Variants in ADCY9 observed in about 807,000 individuals in gnomAD.
The protein encoded by ADCY9 is adenylate cyclase 9.
Under a neutral mutation model 101.5 loss-of-function variants are expected in ADCY9, and 50 were observed. That is an observed-to-expected ratio of 0.49 (90% CI 0.39 to 0.62). ADCY9 has a LOEUF of 0.62. ADCY9 is among the 20% of genes least tolerant of loss of function. ADCY9 has a pLI of 0.00. For synonymous variants in ADCY9, 905 were observed against 769.3 expected, an observed-to-expected ratio of 1.18 and a Z score of -2.92; for missense variants, 1,662 against 1,800.4, an observed-to-expected ratio of 0.92 and a Z score of 1.39.
At chr16:4,063,405 T>G (rs980980903) in intron 2 of ADCY9, among the ~76,000 whole-genome samples, 1 of 151,706 alleles carries the variant, frequency 6.6e-6, no homozygotes, top group Non-Finnish European at 1.5e-5. Context: ...AAGAAAAGTC[T>G]CAAGTTAATA....
chr16:4,102,186 A>C (rs2057047554), intron 2 of ADCY9, among the ~76,000 whole-genome samples: 1 of 152,114 alleles, frequency 6.6e-6, no homozygotes, highest in African/African-American at 2.4e-5. Flanking sequence ...CACTATGCAA[A>C]TAAGTGCTTT....
At chr16:4,011,046 C>T (rs2056400931) in intron 2 of ADCY9, among the ~76,000 whole-genome samples, 1 of 152,144 alleles carries the variant, frequency 6.6e-6, no homozygotes, top group Admixed American at 6.5e-5. Flanking sequence ...CCAGCCTATG[C>T]TGTTCTGTTA....
chr16:4,001,555 C>T (rs1272620832), intron 3 of ADCY9, among the ~76,000 whole-genome samples: 2 of 152,028 alleles, frequency 1.3e-5, no homozygotes, highest in African/African-American at 4.8e-5. Flanking sequence ...CCGCCCCCCA[C>T]CTTTCTTTTT....
chr16:4,063,680 C>G (rs182333717), intron 2 of ADCY9, among the ~76,000 whole-genome samples: 220 of 151,662 alleles, frequency 1.5e-3, no homozygotes, highest in Non-Finnish European at 2.0e-3. Context: ...CCACTGCACT[C>G]CAGCCTGGGC....
At chr16:4,047,116 T>G (rs1228274534) in intron 2 of ADCY9, among the ~76,000 whole-genome samples, 1 of 152,168 alleles carries the variant, frequency 6.6e-6, no homozygotes, top group Non-Finnish European at 1.5e-5. Flanking sequence ...AATTTCTTCG[T>G]TTTTTAAAAA....
chr16:4,095,782 G>A (rs1280916813), intron 2 of ADCY9, among the ~76,000 whole-genome samples: 1 of 151,926 alleles, frequency 6.6e-6, no homozygotes, highest in Non-Finnish European at 1.5e-5. Context: ...TTCAAGACCA[G>A]CCTGGGCAAC....
chr16:3,974,551 GA>G, intron 10 of ADCY9, 117 bp downstream of exon 10: 1 of 754,382 alleles, frequency 1.3e-6, no homozygotes, highest in African/African-American at 1.8e-5. Flanking sequence ...TCTATTCTAA[GA>G]ATGCACGTAT....
rs1229045933 is a variant in ADCY9 at position 3,962,722 on chromosome 16, T to C, written c.*3053A>G. On this transcript the variant is annotated 3_prime_UTR_variant, in exon 11 of 11. Transcript: ENST00000294016. ...ATTTTGAAATTATTAGAATTAACAATTTAAAAAGAGCAGATAAAAGGATAT... is the reference window on the plus strand; with the variant it reads ...ATTTTGAAATTATTAGAATTAACAACTTAAAAAGAGCAGATAAAAGGATAT... 1 of 152,224 alleles carries C rather than the reference T, an allele frequency of 6.6e-6. No individual in the cohort carries two copies. 9.4% of individuals were successfully genotyped at this position (152,224 alleles called of 1,614,324 possible).
intron 2 of ADCY9, among the ~76,000 whole-genome samples, chr16:4,055,480 G>C (rs1349720387): frequency 1.3e-5 from 2 of 151,644 alleles, no homozygotes; most frequent in African/African-American, 2.4e-5. Flanking sequence ...GTTGCAGTGA[G>C]TCAAGATCAG....
chr16:3,983,550 G>C, intron 6 of ADCY9, 110 bp from the exon 7 acceptor site: 1 of 924,706 alleles, frequency 1.1e-6, no homozygotes, highest in East Asian at 2.6e-5. Flanking sequence ...CTCTGGGCCA[G>C]GCACAGGGCA....
At chr16:4,098,670 C>A (rs554414538) in intron 2 of ADCY9, among the ~76,000 whole-genome samples, 1 of 152,244 alleles carries the variant, frequency 6.6e-6, no homozygotes, top group African/African-American at 2.4e-5. Context: ...AAGATACATT[C>A]CAGTGGCGTG....
At chr16:4,076,442 C>T (rs991233651) in intron 2 of ADCY9, among the ~76,000 whole-genome samples, 3 of 152,198 alleles carry the variant, frequency 2.0e-5, no homozygotes, top group Non-Finnish European at 2.9e-5. Context: ...TTTTCTGTTT[C>T]GTGTTCCATC....
chr16:4,076,650 C>T (rs962409382), intron 2 of ADCY9, among the ~76,000 whole-genome samples: 15 of 134,244 alleles, frequency 1.1e-4, no homozygotes, highest in Non-Finnish European at 1.0e-4. Context: ...CATCTGTGAT[C>T]GCTAGAAGAT....
chr16:3,995,348 A>G (rs1230071431), intron 3 of ADCY9, among the ~76,000 whole-genome samples: 1 of 152,090 alleles, frequency 6.6e-6, no homozygotes. Context: ...GGGCTGCTTG[A>G]GTCTGGGAGG....
At chr16:4,040,136 G>A (rs1386038445) in intron 2 of ADCY9, among the ~76,000 whole-genome samples, 1 of 152,122 alleles carries the variant, frequency 6.6e-6, no homozygotes, top group Non-Finnish European at 1.5e-5. Flanking sequence ...ATTCATCTAG[G>A]CTAAAATTTT....
chr16:3,980,167 C>T (rs565766514), intron 7 of ADCY9, among the ~76,000 whole-genome samples: 4 of 152,380 alleles, frequency 2.6e-5, no homozygotes, highest in African/African-American at 9.6e-5. Context: ...AGGTCCAGCA[C>T]CACGTATTTC....
chr16:4,103,724 G>C (rs935089119), intron 2 of ADCY9, among the ~76,000 whole-genome samples: 6 of 152,146 alleles, frequency 3.9e-5, no homozygotes, highest in Non-Finnish European at 8.8e-5. Context: ...CCAGCTACTT[G>C]GGAGGCTGAG....
intron 2 of ADCY9, among the ~76,000 whole-genome samples, chr16:4,028,775 ATTTTCT>A (rs1443655206): frequency 2.0e-5 from 3 of 151,580 alleles, no homozygotes; most frequent in Non-Finnish European, 4.4e-5. Flanking sequence ...TTCGTTATCT[ATTTTCT>A]TTTTTTCTTT....
intron 2 of ADCY9, among the ~76,000 whole-genome samples, chr16:4,019,449 A>G (rs2056460390): frequency 6.6e-6 from 1 of 152,336 alleles, no homozygotes; most frequent in Non-Finnish European, 1.5e-5. Context: ...TGTGGACTCA[A>G]TGCACAATCA....
Sources: gnomAD v4.1 joint callset for allele counts (sites outside exome capture counted in the v4.1 genomes callset) on GRCh38, gnomAD v4.1.1 for gene constraint, MANE v1.5 for transcripts, NCBI Gene and HGNC (gene_info 2026-07-23, HGNC 2026-07-21) for gene names.